KLHL15: variants seen among roughly 807,000 people sequenced by gnomAD.
The protein encoded by KLHL15 is kelch like family member 15.
In KLHL15, 1 loss-of-function variant was observed where a neutral mutation model predicts 29.3. The observed-to-expected ratio is 0.03, with a 90% CI of 0.01 to 0.16. The LOEUF is 0.16. Ranked by LOEUF, KLHL15 falls within the 10% of genes least tolerant of loss-of-function variation. The probability of loss-of-function intolerance (pLI) is 1.00; values close to 1 mark genes in which losing one functional copy is unlikely to be tolerated. For missense variants in KLHL15, 215 were observed against 478.5 expected, an observed-to-expected ratio of 0.45 and a Z score of 5.14; for synonymous variants, 212 against 184.5, an observed-to-expected ratio of 1.15 and a Z score of -1.21.
intron 3 of KLHL15, 103 bp from the exon 4 acceptor site, chrX:23,989,133 A>G: frequency 4.6e-6 from 3 of 649,048 alleles, no homozygotes; most frequent in Non-Finnish European, 6.8e-6. Context: ...CTTTACTAAA[A>G]CTGCTTTTCC....
At chrX:23,997,294 T>TG (rs1299985411) in intron 3 of KLHL15, among the ~76,000 whole-genome samples, 1 of 112,111 alleles carries the variant, frequency 8.9e-6, no homozygotes, top group East Asian at 2.8e-4. Context: ...TGTAAAAGGC[T>TG]GGGCATAGTG....
At chrX:24,013,505 C>A (rs1456502467) in intron 2 of KLHL15, among the ~76,000 whole-genome samples, 1 of 110,548 alleles carries the variant, frequency 9.0e-6, no homozygotes, top group Non-Finnish European at 1.9e-5. Context: ...CTCGAGAGAT[C>A]TGCCTGCCTC....
intron 3 of KLHL15, among the ~76,000 whole-genome samples, chrX:23,995,049 C>A (rs1172851619): frequency 9.0e-6 from 1 of 111,000 alleles, no homozygotes; most frequent in Non-Finnish European, 1.9e-5. Context: ...ATATAGCTGA[C>A]AATGAAGTAT....
chrX:24,013,924 A>T (rs773773889), intron 2 of KLHL15, among the ~76,000 whole-genome samples: 2 of 110,396 alleles, frequency 1.8e-5, no homozygotes, highest in Admixed American at 2.0e-4. Flanking sequence ...GATACTATAT[A>T]TTTTTTTTCA....
intron 3 of KLHL15, among the ~76,000 whole-genome samples, chrX:23,996,293 G>A (rs893840545): frequency 9.0e-6 from 1 of 111,552 alleles, no homozygotes; most frequent in South Asian, 3.7e-4. Context: ...CTGAGTCTTG[G>A]TTGTCAGTTT....
chrX:24,013,924 AT>A (rs763210022), intron 2 of KLHL15, among the ~76,000 whole-genome samples: 91 of 110,393 alleles, frequency 8.2e-4, no homozygotes, highest in African/African-American at 2.9e-3. Flanking sequence ...GATACTATAT[AT>A]TTTTTTTCAG....
intron 3 of KLHL15, among the ~76,000 whole-genome samples, chrX:24,002,112 A>G (rs1282442149): frequency 1.5e-4 from 16 of 108,974 alleles, no homozygotes; most frequent in African/African-American, 4.1e-4. Context: ...CAGCCTGGGC[A>G]ACAGAGCGAG....
At chrX:24,016,321 C>T (rs1465925035) in intron 2 of KLHL15, among the ~76,000 whole-genome samples, 6 of 63,147 alleles carry the variant, frequency 9.5e-5, no homozygotes, top group Non-Finnish European at 1.6e-4. Flanking sequence ...GCCTGGGCGA[C>T]AGAGCAAGAC....
chrX:23,987,689 C>A lies in KLHL15; in HGVS notation c.*232G>T. The A allele has an allele frequency of 2.9e-6, 1 of 341,816 alleles. No homozygotes were observed. The allele number at this position is 341,816 out of a possible 1,213,427, so 28.2% of individuals were successfully genotyped here. Reference sequence around the variant, plus strand: ...TCCCAGATAAGTGGAGCATTCTATTCAACTGCTTCTGGAAGTAGTTTCAAG... The same window carrying A: ...TCCCAGATAAGTGGAGCATTCTATTAAACTGCTTCTGGAAGTAGTTTCAAG... On this transcript the variant is annotated 3_prime_UTR_variant, in exon 4 of 4. Coordinates refer to ENST00000328046, the MANE Select transcript of KLHL15 (RefSeq NM_030624.3).
intron 2 of KLHL15, among the ~76,000 whole-genome samples, chrX:24,011,333 C>A (rs1486081118): frequency 1.1e-4 from 11 of 98,440 alleles, no homozygotes; most frequent in African/African-American, 4.2e-4. Flanking sequence ...TAGTGAGACA[C>A]TGTCTCTTAA....
In KLHL15 at chrX:23,985,873, A is replaced by G. The variant is rs1424900970; in HGVS notation, c.*2048T>C. The G allele has an allele frequency of 8.9e-6, 1 of 111,973 alleles. No individual in the cohort carries two copies. The highest frequency in any genetic ancestry group is 2.8e-4 in the East Asian group (1 of 3,621). The allele number at this position is 111,973 out of a possible 1,213,427, so 9.2% of individuals were successfully genotyped here. On this transcript the variant is annotated 3_prime_UTR_variant, in exon 4 of 4. Transcript: ENST00000328046. ...AAAATAGCACACATACAAAGCCACT[A>G]AACTAATGTAGAAAAAAATTAAATG...
intron 2 of KLHL15, among the ~76,000 whole-genome samples, chrX:24,009,301 C>T (rs1041933453): frequency 1.8e-5 from 2 of 110,612 alleles, no homozygotes; most frequent in Non-Finnish European, 3.8e-5. Flanking sequence ...AGTTTGAGAC[C>T]AGCCTGGCCA....
chrX:24,004,684 G>A (rs1190595706), intron 3 of KLHL15, among the ~76,000 whole-genome samples: 2 of 109,241 alleles, frequency 1.8e-5, no homozygotes, highest in East Asian at 2.9e-4. Flanking sequence ...CAGCTACTCG[G>A]GAGGCTGAGG....
At chrX:23,990,938 G>C (rs1929070808) in intron 3 of KLHL15, among the ~76,000 whole-genome samples, 1 of 111,264 alleles carries the variant, frequency 9.0e-6, no homozygotes, top group African/African-American at 3.3e-5. Flanking sequence ...TGTAATGTCA[G>C]GCATTTTATC....
At chrX:23,997,806 C>T in intron 3 of KLHL15, among the ~76,000 whole-genome samples, 1 of 104,507 alleles carries the variant, frequency 9.6e-6, no homozygotes. Flanking sequence ...CAGCTAAGTG[C>T]CATGGCTCAT....
At chrX:23,999,189 G>A (rs748038448) in intron 3 of KLHL15, among the ~76,000 whole-genome samples, 12 of 111,215 alleles carry the variant, frequency 1.1e-4, no homozygotes, top group Non-Finnish European at 1.9e-4. Flanking sequence ...GATTACAGGC[G>A]TGAGCCACTG....
intron 2 of KLHL15, among the ~76,000 whole-genome samples, chrX:24,023,495 G>A (rs1419280708): frequency 1.8e-5 from 2 of 112,174 alleles, no homozygotes; most frequent in African/African-American, 3.2e-5. Context: ...AAAACCATTT[G>A]TTAGCTAAAA....
rs188826719 is a variant in KLHL15, at chrX:23,996,317, C to T, written c.706-7287G>A. Among the ~76,000 whole-genome samples, 317 of 111,951 alleles carry T rather than the reference C, an allele frequency of 2.8e-3. 3 individuals carry two copies. The highest frequency in any genetic ancestry group is 4.0e-3 in the Non-Finnish European group (212 of 53,194). On this transcript the variant is annotated intron_variant, in intron 3 of 3. Transcript: ENST00000328046. ...GGTTGTCAGTTTTATCATCTCTTCT[C>T]CACCATGATGCAATCTTCCCAAGTA...
chrX:24,022,166 G>A (rs895949344), intron 2 of KLHL15, among the ~76,000 whole-genome samples: 1 of 105,215 alleles, frequency 9.5e-6, no homozygotes, highest in Non-Finnish European at 2.0e-5. Flanking sequence ...GAAACCCCGT[G>A]TCTACTAAAA....
Sources: allele counts gnomAD v4.1 joint callset (sites outside exome capture counted in the v4.1 genomes callset), GRCh38; gene constraint gnomAD v4.1.1; transcripts MANE v1.5; gene names NCBI Gene and HGNC (gene_info 2026-07-23, HGNC 2026-07-21).